The following TEX36 variants were observed in gnomAD, a reference collection of about 807,000 sequenced individuals.
TEX36 encodes the protein testis expressed 36.
A neutral mutation model predicts 13.6 loss-of-function variants in TEX36; 12 were observed. The ratio of observed to expected loss-of-function variants is 0.88; its 90% CI spans 0.56 to 1.43. TEX36 has a LOEUF of 1.43. Ranked by LOEUF, TEX36 falls within the 40% of genes most tolerant of loss-of-function variation. The probability of loss-of-function intolerance (pLI) is 0.00; values close to 1 mark genes in which losing one functional copy is unlikely to be tolerated. For missense variants in TEX36, 224 were observed against 228.3 expected (o/e 0.98, Z 0.12); for synonymous variants, 93 against 83.0 (o/e 1.12, Z -0.65).
At chr10:125,666,702 A>C (rs1157478862) in intron 1 of TEX36, among the ~76,000 whole-genome samples, 1 of 151,998 alleles carries the variant, frequency 6.6e-6, no homozygotes, top group African/African-American at 2.4e-5. Flanking sequence ...GTTTATTGGC[A>C]GTGTGCTGGA....
intron 1 of TEX36, 37 bp from the exon 2 acceptor site, chr10:125,662,014 A>G (rs1324819689): frequency 7.1e-6 from 11 of 1,551,702 alleles, no homozygotes; most frequent in Non-Finnish European, 8.7e-6. Context: ...AAAACCAGAC[A>G]CATTTGAATC....
intron 3 of TEX36, among the ~76,000 whole-genome samples, chr10:125,628,282 G>A (rs933043339): frequency 5.3e-5 from 8 of 152,186 alleles, no homozygotes; most frequent in Admixed American, 1.3e-4. Context: ...GCAAAGCAGC[G>A]CATGTTCTGT....
Position 125,636,268 on chromosome 10 carries a change from T to G in TEX36, c.265-14623A>C, listed in dbSNP as rs1243826147. Among the ~76,000 whole-genome samples, 9 of 148,728 alleles carry G rather than the reference T, an allele frequency of 6.1e-5. No homozygotes were observed. The South Asian group carries it at 1.9e-3, about 32-fold the overall frequency. ...TCGCCCAGGCTGGAATGCAGTGGTG[T>G]GGTCTTGGCTCACTGCAAGCTCCGC... On this transcript the variant is annotated intron_variant, in intron 3 of 3. Coordinates refer to the TEX36 transcript ENST00000526819.
At chr10:125,602,934 C>A (rs986964080) in intron 3 of TEX36, among the ~76,000 whole-genome samples, 1 of 152,188 alleles carries the variant, frequency 6.6e-6, no homozygotes, top group Non-Finnish European at 1.5e-5. Flanking sequence ...TGGAGATTTC[C>A]ATGGGGACCT....
chr10:125,656,322 T>A (rs987946550), intron 3 of TEX36, 126 bp from the exon 4 acceptor site: 4 of 895,780 alleles, frequency 4.5e-6, no homozygotes, highest in East Asian at 6.1e-5. Context: ...AGTGGCACGA[T>A]CTCAGCTCAC....
At chr10:125,661,243 G>A in intron 2 of TEX36, 142 bp from the exon 3 acceptor site, 1 of 694,726 alleles carries the variant, frequency 1.4e-6, no homozygotes, top group Admixed American at 2.2e-5. Context: ...CAGAGATGGA[G>A]CAGACACAGG....
chr10:125,593,909 T>C (rs1461161284), intron 3 of TEX36, among the ~76,000 whole-genome samples: 2 of 152,248 alleles, frequency 1.3e-5, no homozygotes, highest in Non-Finnish European at 2.9e-5. Flanking sequence ...GTTGATTTTA[T>C]GTTATGCAAA....
chr10:125,648,249 T>C (rs1040356441), intron 3 of TEX36, among the ~76,000 whole-genome samples: 5 of 152,224 alleles, frequency 3.3e-5, no homozygotes, highest in Admixed American at 3.3e-4. Flanking sequence ...GGGAGACACC[T>C]ACCAGTAGGG....
intron 3 of TEX36, among the ~76,000 whole-genome samples, chr10:125,582,291 T>C (rs1237870033): frequency 6.6e-6 from 1 of 152,228 alleles, no homozygotes; most frequent in African/African-American, 2.4e-5. Flanking sequence ...TTCACTCCCA[T>C]AATTTAACTG....
chr10:125,650,701 T>C (rs1341695930), downstream of TEX36, among the ~76,000 whole-genome samples: 1 of 152,002 alleles, frequency 6.6e-6, no homozygotes, highest in Non-Finnish European at 1.5e-5. Context: ...AAAAAATCAA[T>C]GAATCCAGGA....
In TEX36 at chr10:125,628,649, C is replaced by T. The variant is rs570290241; in HGVS notation, c.265-7004G>A. ...ATCTTTTAGAAGTGCTTCTTGAGAT[C>T]GTGCATGAGTATGCAGCTGGTAAAG... On this transcript the variant is annotated intron_variant, in intron 3 of 3. Coordinates refer to the TEX36 transcript ENST00000526819. 1.7e-4 allele frequency among the ~76,000 whole-genome samples: 26 copies of T among 152,304 alleles called. No individual in the cohort carries two copies. The South Asian group carries it at 1.9e-3, about 11-fold the overall frequency.
At chr10:125,644,363 A>C (rs1337176454) in intron 3 of TEX36, among the ~76,000 whole-genome samples, 1 of 152,228 alleles carries the variant, frequency 6.6e-6, no homozygotes, top group Non-Finnish European at 1.5e-5. Context: ...CTCGAAGAAC[A>C]TGGAGGAGAG....
intron 3 of TEX36, chr10:125,640,262 T>C: frequency 1.0e-6 from 1 of 965,332 alleles, no homozygotes; most frequent in Non-Finnish European, 1.2e-6. Flanking sequence ...GGATTTGTGT[T>C]CTTGTGCCTG....
intron 3 of TEX36, among the ~76,000 whole-genome samples, chr10:125,640,556 T>C (rs1846675912): frequency 2.6e-5 from 4 of 152,212 alleles, no homozygotes; most frequent in Admixed American, 2.6e-4. Context: ...TTAAATGAGA[T>C]GTTTTGGTTT....
At chr10:125,586,443 G>A (rs576907815) in intron 3 of TEX36, among the ~76,000 whole-genome samples, 1 of 152,052 alleles carries the variant, frequency 6.6e-6, no homozygotes, top group African/African-American at 2.4e-5. Flanking sequence ...TGACTCTTGT[G>A]AATAGGATCT....
At chr10:125,593,081 C>T (rs895867151) in intron 3 of TEX36, among the ~76,000 whole-genome samples, 4 of 152,194 alleles carry the variant, frequency 2.6e-5, no homozygotes, top group Admixed American at 2.6e-4. Flanking sequence ...CAACCTTCAT[C>T]CTCTCCATGC....
intron 3 of TEX36, among the ~76,000 whole-genome samples, chr10:125,577,359 A>G (rs1324180263): frequency 1.3e-5 from 2 of 152,138 alleles, no homozygotes; most frequent in Non-Finnish European, 2.9e-5. Flanking sequence ...TTAGCCAGGC[A>G]TGTTGGCGCA....
intron 3 of TEX36, among the ~76,000 whole-genome samples, chr10:125,599,431 T>C (rs1432606452): frequency 6.6e-6 from 1 of 152,242 alleles, no homozygotes; most frequent in Non-Finnish European, 1.5e-5. Context: ...ACTCTCTTTA[T>C]TGACGTTCAT....
At chr10:125,586,128 A>T (rs949433345) in intron 3 of TEX36, among the ~76,000 whole-genome samples, 2 of 152,230 alleles carry the variant, frequency 1.3e-5, no homozygotes, top group East Asian at 3.8e-4. Context: ...AAAGCACACA[A>T]GTTTGTGTCC....
Sources: allele counts gnomAD v4.1 joint callset (sites outside exome capture counted in the v4.1 genomes callset), GRCh38; gene constraint gnomAD v4.1.1; transcripts MANE v1.5; gene names NCBI Gene and HGNC (gene_info 2026-07-23, HGNC 2026-07-21).